Variants in MCTP2 observed in about 807,000 individuals in gnomAD.
The protein encoded by MCTP2 is multiple C2 and transmembrane domain-containing protein 2.
Under a neutral mutation model 111.6 loss-of-function variants are expected in MCTP2, and 132 were observed. The ratio of observed to expected loss-of-function variants is 1.18; its 90% CI spans 1.03 to 1.37. The LOEUF is 1.37. Ranked by LOEUF, MCTP2 falls within the 40% of genes most tolerant of loss-of-function variation. The pLI is 0.00. For synonymous variants in MCTP2, 395 were observed against 387.7 expected (o/e 1.02, Z -0.22); for missense variants, 1,183 against 1,067.9 (o/e 1.11, Z -1.50).
At chr15:94,279,795 G>A (rs1057263930) in intron 1 of MCTP2, among the ~76,000 whole-genome samples, 5 of 152,074 alleles carry the variant, frequency 3.3e-5, no homozygotes, top group African/African-American at 9.7e-5. Flanking sequence ...TGCCTAGTTT[G>A]TTGAGGGTTT....
intron 1 of MCTP2, among the ~76,000 whole-genome samples, chr15:94,242,194 A>C (rs1440185923): frequency 6.6e-6 from 1 of 152,118 alleles, no homozygotes; most frequent in East Asian, 1.9e-4. Flanking sequence ...CTGGGTTTTG[A>C]ATTCAGACAA....
intron 17 of MCTP2, chr15:94,402,228 T>C (rs1187314989): frequency 2.2e-6 from 2 of 915,480 alleles, no homozygotes; most frequent in African/African-American, 1.8e-5. Context: ...GTTGTATATA[T>C]ATGTTTAAAT....
chr15:94,320,841 G>A (rs1229596307), intron 4 of MCTP2, among the ~76,000 whole-genome samples: 2 of 152,298 alleles, frequency 1.3e-5, no homozygotes, highest in South Asian at 2.1e-4. Flanking sequence ...TGAGGGTCAC[G>A]TTGGGAGGCA....
chr15:94,461,153 A>T (rs2085180562), intron 20 of MCTP2, among the ~76,000 whole-genome samples: 1 of 152,146 alleles, frequency 6.6e-6, no homozygotes, highest in African/African-American at 2.4e-5. Flanking sequence ...TGAAGCCAAA[A>T]TATTTTACTC....
intron 19 of MCTP2, among the ~76,000 whole-genome samples, chr15:94,448,525 GT>G (rs1567728100): frequency 6.6e-6 from 1 of 152,036 alleles, no homozygotes; most frequent in Non-Finnish European, 1.5e-5. Context: ...AACTTTTTGA[GT>G]GCTAATTATC....
chr15:94,255,412 T>A (rs888801653), intron 1 of MCTP2, among the ~76,000 whole-genome samples: 2 of 152,228 alleles, frequency 1.3e-5, no homozygotes, highest in Non-Finnish European at 2.9e-5. Context: ...ATCTATGATA[T>A]TAGCAACCAT....
chr15:94,416,456 C>G (rs1460273367), intron 17 of MCTP2, among the ~76,000 whole-genome samples: 1 of 152,080 alleles, frequency 6.6e-6, no homozygotes, highest in African/African-American at 2.4e-5. Flanking sequence ...AAGAGCATTT[C>G]TGTAGTCTCT....
At chr15:94,239,398 T>A (rs1284499337) in intron 1 of MCTP2, among the ~76,000 whole-genome samples, 1 of 152,210 alleles carries the variant, frequency 6.6e-6, no homozygotes, top group Non-Finnish European at 1.5e-5. Flanking sequence ...TTATTTTCAC[T>A]GGGTCAATTG....
intron 1 of MCTP2, among the ~76,000 whole-genome samples, chr15:94,288,371 G>A (rs1342944136): frequency 6.6e-6 from 1 of 152,092 alleles, no homozygotes; most frequent in Non-Finnish European, 1.5e-5. Flanking sequence ...CCTTATTAGC[G>A]TACCAATGAC....
chr15:94,284,383 T>A (rs1596267515), intron 1 of MCTP2, among the ~76,000 whole-genome samples: 1 of 152,204 alleles, frequency 6.6e-6, no homozygotes, highest in East Asian at 1.9e-4. Flanking sequence ...GTATCTTCTT[T>A]AAATCCTTTT....
chr15:94,402,626 C>T (rs2152476959), intron 17 of MCTP2: 1 of 1,547,228 alleles, frequency 6.5e-7, no homozygotes, highest in Non-Finnish European at 8.7e-7. Context: ...CCACTGAGAG[C>T]CCAAGAATCT....
At chr15:94,337,094 GAGATGTC>G (rs1225111887) in intron 4 of MCTP2, among the ~76,000 whole-genome samples, 1 of 152,092 alleles carries the variant, frequency 6.6e-6, no homozygotes, top group Non-Finnish European at 1.5e-5. Flanking sequence ...CTGCCTAGTT[GAGATGTC>G]ACTTCCCTGA....
At chr15:94,385,284 A>G in intron 13 of MCTP2, 139 bp from the exon 14 acceptor site, 2 of 556,724 alleles carry the variant, frequency 3.6e-6, no homozygotes, top group Non-Finnish European at 3.2e-6. Context: ...GTTTGATTTA[A>G]TTTTTGGAAT....
At chr15:94,386,362 G>A (rs2080473786) in intron 14 of MCTP2, among the ~76,000 whole-genome samples, 1 of 152,208 alleles carries the variant, frequency 6.6e-6, no homozygotes, top group Non-Finnish European at 1.5e-5. Context: ...CAAGCTATCT[G>A]TGGATTTTTG....
intron 1 of MCTP2, among the ~76,000 whole-genome samples, chr15:94,242,046 A>C (rs921431174): frequency 1.9e-4 from 29 of 152,300 alleles, no homozygotes; most frequent in African/African-American, 6.7e-4. Flanking sequence ...TATTCTCTCC[A>C]TTCAGCAAGA....
chr15:94,466,330 C>G (rs144468907), intron 20 of MCTP2, among the ~76,000 whole-genome samples: 2 of 152,058 alleles, frequency 1.3e-5, no homozygotes, highest in Non-Finnish European at 2.9e-5. Context: ...GGAGAGTACT[C>G]AAACATCATA....
intron 20 of MCTP2, among the ~76,000 whole-genome samples, chr15:94,460,717 C>T (rs1449495099): frequency 6.6e-6 from 1 of 152,184 alleles, no homozygotes; most frequent in African/African-American, 2.4e-5. Flanking sequence ...GGCAGCTGTG[C>T]CCAGCACAGC....
At chr15:94,330,513 T>A (rs961418003) in intron 4 of MCTP2, among the ~76,000 whole-genome samples, 1 of 89,344 alleles carries the variant, frequency 1.1e-5, no homozygotes, top group Non-Finnish European at 2.3e-5. Context: ...TCCTTTCTTA[T>A]TTTTTTTTCT....
chr15:94,286,834 C>A (rs558104852), intron 1 of MCTP2, among the ~76,000 whole-genome samples: 1 of 152,178 alleles, frequency 6.6e-6, no homozygotes. Flanking sequence ...AAAGACCTTG[C>A]TCTGCCGTTA....
Sources: gnomAD v4.1 joint callset for allele counts (sites outside exome capture counted in the v4.1 genomes callset) on GRCh38, gnomAD v4.1.1 for gene constraint, MANE v1.5 for transcripts, NCBI Gene and HGNC (gene_info 2026-07-23, HGNC 2026-07-21) for gene names.